NR1H4: variants seen among roughly 807,000 people sequenced by gnomAD.
NR1H4 encodes the protein nuclear receptor subfamily 1 group H member 4.
A neutral mutation model predicts 58.5 loss-of-function variants in NR1H4; 23 were observed. The ratio of observed to expected loss-of-function variants is 0.39; its 90% CI spans 0.28 to 0.56. The LOEUF (loss-of-function observed/expected upper bound fraction) is 0.56, where lower values mean the gene tolerates loss of function less well. NR1H4 is among the 20% of genes least tolerant of loss of function. The probability of loss-of-function intolerance (pLI) is 0.58; values close to 1 mark genes in which losing one functional copy is unlikely to be tolerated. For synonymous variants in NR1H4, 214 were observed against 198.0 expected, an observed-to-expected ratio of 1.08 and a Z score of -0.68; for missense variants, 487 against 576.9, an observed-to-expected ratio of 0.84 and a Z score of 1.60.
intron 4 of NR1H4, among the ~76,000 whole-genome samples, chr12:100,517,801 G>C (rs1788813059): frequency 6.6e-6 from 1 of 152,138 alleles, no homozygotes; most frequent in African/African-American, 2.4e-5. Flanking sequence ...CCCATTTTAT[G>C]GAAGTGGAAG....
At chr12:100,535,602 A>T (rs1006896647) in intron 6 of NR1H4, among the ~76,000 whole-genome samples, 2 of 152,226 alleles carry the variant, frequency 1.3e-5, no homozygotes, top group African/African-American at 4.8e-5. Context: ...TAGCTGAAAA[A>T]CCAGTAAGCT....
chr12:100,555,092 T>C (rs1227131463), intron 9 of NR1H4, among the ~76,000 whole-genome samples: 1 of 152,234 alleles, frequency 6.6e-6, no homozygotes. Flanking sequence ...AGATAGCTAA[T>C]GGAGGCAACA....
Position 100,542,367 on chromosome 12 carries a change from T to C in NR1H4, c.1078+1549T>C, listed in dbSNP as rs116218245. Among the ~76,000 whole-genome samples, 782 of 152,196 alleles carry C rather than the reference T, an allele frequency of 5.1e-3. 5 individuals are homozygous for C. Among genetic ancestry groups the C allele is most frequent in the African/African-American group, 0.017 (708 of 41,530 alleles). On this transcript the variant is annotated intron_variant, in intron 9 of 10. Transcript: ENST00000392986. ...GTCTGAAAAAAAAAGAAGCTTTGTG[T>C]CTTAACCACTATGCTATAGTACCTC...
chr12:100,474,560 C>CT (rs1953227498), intron 1 of NR1H4, among the ~76,000 whole-genome samples: 2 of 152,150 alleles, frequency 1.3e-5, no homozygotes, highest in Non-Finnish European at 2.9e-5. Context: ...TTCTTGACTT[C>CT]AGTTGTAAAC....
chr12:100,527,011 A>C (rs1954574809), intron 4 of NR1H4, among the ~76,000 whole-genome samples: 1 of 152,222 alleles, frequency 6.6e-6, no homozygotes, highest in Non-Finnish European at 1.5e-5. Flanking sequence ...AATAGAAGCA[A>C]GAAAAAAGCA....
rs148439634 is a variant in NR1H4, at chr12:100,533,229, G to A, written c.598+619G>A. On this transcript the variant is annotated intron_variant, in intron 5 of 10. Transcript: ENST00000392986. ...TGTAATCTTCATCAAAAATTGGAATGCATGCTAGTATATAACATAATTAAT... is the reference window on the plus strand; with the variant it reads ...TGTAATCTTCATCAAAAATTGGAATACATGCTAGTATATAACATAATTAAT... Among the ~76,000 whole-genome samples the A allele has an allele frequency of 8.2e-3, 1,245 of 152,300 alleles. 9 individuals carry two copies. Among genetic ancestry groups the A allele is most frequent in the Middle Eastern group, 0.02 (6 of 294 alleles).
At chr12:100,561,175 T>C (rs1955462554) in intron 9 of NR1H4, among the ~76,000 whole-genome samples, 1 of 152,014 alleles carries the variant, frequency 6.6e-6, no homozygotes, top group Non-Finnish European at 1.5e-5. Context: ...GGCGGGCGGA[T>C]CACGAGGTCA....
intron 4 of NR1H4, among the ~76,000 whole-genome samples, chr12:100,512,769 C>T (rs1395375801): frequency 1.3e-5 from 2 of 152,164 alleles, no homozygotes; most frequent in African/African-American, 2.4e-5. Context: ...ACTCTGCTAA[C>T]ATCTAGAACA....
At chr12:100,477,524 G>T (rs1050385716) in intron 1 of NR1H4, among the ~76,000 whole-genome samples, 1 of 152,152 alleles carries the variant, frequency 6.6e-6, no homozygotes, top group Non-Finnish European at 1.5e-5. Flanking sequence ...GTAAAGAAAA[G>T]GAGAAATGGT....
At chr12:100,561,162 C>T (rs971155711) in intron 9 of NR1H4, among the ~76,000 whole-genome samples, 3 of 151,318 alleles carry the variant, frequency 2.0e-5, no homozygotes, top group Non-Finnish European at 4.4e-5. Flanking sequence ...TTTGAGAGGC[C>T]GAGGCGGGCG....
chr12:100,520,076 A>G (rs188473532), intron 4 of NR1H4, among the ~76,000 whole-genome samples: 4 of 152,224 alleles, frequency 2.6e-5, no homozygotes, highest in Admixed American at 2.0e-4. Flanking sequence ...CAGAGGACCA[A>G]TGCCTCATGC....
intron 1 of NR1H4, among the ~76,000 whole-genome samples, chr12:100,492,105 GA>G (rs1953617889): frequency 6.6e-6 from 1 of 152,140 alleles, no homozygotes; most frequent in Non-Finnish European, 1.5e-5. Flanking sequence ...ATCTAGCACA[GA>G]GTTTAGTGCA....
At chr12:100,516,189 A>C (rs1013716710) in intron 4 of NR1H4, among the ~76,000 whole-genome samples, 1 of 152,228 alleles carries the variant, frequency 6.6e-6, no homozygotes, top group African/African-American at 2.4e-5. Flanking sequence ...ATTCAGTAGA[A>C]TAAAATGTAG....
chr12:100,561,845 C>A, intron 9 of NR1H4, 40 bp from the exon 10 acceptor site: 1 of 846,140 alleles, frequency 1.2e-6, no homozygotes, highest in South Asian at 1.3e-5. Flanking sequence ...ACTGTTTAGT[C>A]ACTCAAAAAT....
chr12:100,501,780 G>A (rs1440896704), intron 3 of NR1H4, among the ~76,000 whole-genome samples: 1 of 151,938 alleles, frequency 6.6e-6, no homozygotes, highest in African/African-American at 2.4e-5. Context: ...GCCTAAATAG[G>A]GCATGAATTA....
At chr12:100,501,594 A>G (rs555497897) in intron 3 of NR1H4, among the ~76,000 whole-genome samples, 1 of 152,290 alleles carries the variant, frequency 6.6e-6, no homozygotes, top group South Asian at 2.1e-4. Flanking sequence ...AGTTAGAAAT[A>G]ATACCTCCCT....
At chr12:100,484,783 T>G (rs1052259724) in intron 1 of NR1H4, among the ~76,000 whole-genome samples, 2 of 152,204 alleles carry the variant, frequency 1.3e-5, no homozygotes. Flanking sequence ...TCATATCTAC[T>G]GATTTTATTG....
chr12:100,511,281 C>A, intron 4 of NR1H4, 138 bp downstream of exon 4: 1 of 1,007,758 alleles, frequency 9.9e-7, no homozygotes, highest in Non-Finnish European at 1.6e-6. Flanking sequence ...CCTACATCCT[C>A]ACCTTTGTTG....
chr12:100,484,347 T>C (rs1447158245), intron 1 of NR1H4, among the ~76,000 whole-genome samples: 1 of 152,138 alleles, frequency 6.6e-6, no homozygotes, highest in African/African-American at 2.4e-5. Context: ...TCAGAGGAGC[T>C]CCATACGCCA....
Sources: gnomAD v4.1 joint callset for allele counts (sites outside exome capture counted in the v4.1 genomes callset) on GRCh38, gnomAD v4.1.1 for gene constraint, MANE v1.5 for transcripts, NCBI Gene and HGNC (gene_info 2026-07-23, HGNC 2026-07-21) for gene names.